The following TANC2 variants were observed in gnomAD, a reference collection of about 807,000 sequenced individuals.
TANC2 encodes protein TANC2.
A neutral mutation model predicts 210.5 loss-of-function variants in TANC2; 26 were observed. The ratio of observed to expected loss-of-function variants is 0.12; its 90% CI spans 0.09 to 0.17. The LOEUF (loss-of-function observed/expected upper bound fraction) is 0.17. Among genes scored for constraint, TANC2 ranks in the 10% least tolerant of loss-of-function variants. The pLI is 1.00. For synonymous variants in TANC2, 931 were observed against 967.1 expected (o/e 0.96, Z 0.69); for missense variants, 2,129 against 2,608.9 (o/e 0.82, Z 4.01).
At chr17:63,119,898 T>A (rs1266836515) in intron 4 of TANC2, among the ~76,000 whole-genome samples, 1 of 152,026 alleles carries the variant, frequency 6.6e-6, no homozygotes, top group Non-Finnish European at 1.5e-5. Context: ...CACATGCCTC[T>A]GGTCCCAGCT....
Position 63,186,792 on chromosome 17 carries a change from A to C in TANC2, c.434-7199A>C, listed in dbSNP as rs922970685. Among the ~76,000 whole-genome samples the C allele has an allele frequency of 1.8e-4, 27 of 152,242 alleles. 1 individual carries two copies. The highest frequency in any genetic ancestry group is 1.5e-5 in the Non-Finnish European group (1 of 68,042). On this transcript the variant is annotated intron_variant, in intron 5 of 27. Transcript: ENST00000689528. ...CTAATGCGTAAACACACTGCTTACA[A>C]AGAGCCAAAATAAAACCAAGAACTA... is the stretch of plus-strand genomic sequence containing the variant.
chr17:63,389,248 A>G, intron 16 of TANC2, 60 bp from the exon 17 acceptor site: 4 of 1,305,770 alleles, frequency 3.1e-6, no homozygotes, highest in Non-Finnish European at 4.3e-6. Context: ...TTAATAAAAG[A>G]TGACTAAAAG....
chr17:63,318,731 T>C (rs2045395050), intron 10 of TANC2, among the ~76,000 whole-genome samples: 1 of 152,230 alleles, frequency 6.6e-6, no homozygotes, highest in South Asian at 2.1e-4. Context: ...GTATTTCATC[T>C]ATTCATCAGT....
intron 9 of TANC2, among the ~76,000 whole-genome samples, chr17:63,271,291 TAA>T (rs1344365183): frequency 6.6e-6 from 1 of 151,842 alleles, no homozygotes; most frequent in African/African-American, 2.4e-5. Flanking sequence ...CAACTGTGTA[TAA>T]GTGTTCCTTT....
intron 9 of TANC2, among the ~76,000 whole-genome samples, chr17:63,310,154 A>G (rs2045070892): frequency 6.6e-6 from 1 of 152,218 alleles, no homozygotes; most frequent in African/African-American, 2.4e-5. Flanking sequence ...ACAAATTAAA[A>G]TAGAAGGAAG....
chr17:63,242,616 A>G (rs1049124041), intron 8 of TANC2, among the ~76,000 whole-genome samples: 1 of 152,142 alleles, frequency 6.6e-6, no homozygotes, highest in African/African-American at 2.4e-5. Flanking sequence ...TATATGTAAG[A>G]GAGATATGAG....
At chr17:63,174,677 T>TA (rs148573707) in intron 5 of TANC2, among the ~76,000 whole-genome samples, 4,259 of 152,316 alleles carry the variant, frequency 0.028, 89 homozygotes, top group Non-Finnish European at 0.046. Flanking sequence ...ATTACATAAA[T>TA]ATGTTTGTAT....
chr17:63,084,257 A>ATT (rs2036879163), intron 3 of TANC2, among the ~76,000 whole-genome samples: 1 of 152,112 alleles, frequency 6.6e-6, no homozygotes. Flanking sequence ...AGGTCATCAA[A>ATT]TTGTGGGTGT....
chr17:63,226,335 C>T (rs538236100), intron 7 of TANC2, among the ~76,000 whole-genome samples: 5 of 152,274 alleles, frequency 3.3e-5, no homozygotes, highest in East Asian at 1.9e-4. Context: ...TCATGTGCCT[C>T]GGTTGCCCTT....
At chr17:63,390,966 C>T (rs1319168473) in intron 17 of TANC2, 5 of 152,154 alleles carry the variant, frequency 3.3e-5, no homozygotes, top group Non-Finnish European at 1.5e-5. Flanking sequence ...CTCAAGGTGC[C>T]TGTATCTCAA....
At chr17:63,245,668 C>T (rs886995333) in intron 8 of TANC2, among the ~76,000 whole-genome samples, 13 of 151,980 alleles carry the variant, frequency 8.6e-5, no homozygotes, top group African/African-American at 3.1e-4. Context: ...TGGTGAAACT[C>T]CGTCTCTACT....
At chr17:63,051,934 A>G (rs143010846) in intron 2 of TANC2, among the ~76,000 whole-genome samples, 34 of 152,272 alleles carry the variant, frequency 2.2e-4, no homozygotes, top group African/African-American at 7.5e-4. Context: ...GATATCTTCT[A>G]CTTACAATGG....
intron 8 of TANC2, among the ~76,000 whole-genome samples, chr17:63,264,441 C>T (rs376667562): frequency 1.3e-5 from 2 of 152,132 alleles, no homozygotes; most frequent in Admixed American, 6.6e-5. Flanking sequence ...TAGCTCCCTT[C>T]CACTGCCTTT....
chr17:63,046,222 C>T (rs1465622403), intron 2 of TANC2, among the ~76,000 whole-genome samples: 3 of 149,904 alleles, frequency 2.0e-5, no homozygotes, highest in Admixed American at 6.6e-5. Flanking sequence ...TGCAGTGGTG[C>T]GATCTCGGCT....
intron 4 of TANC2, 112 bp downstream of exon 4, chr17:63,099,469 C>A: frequency 1.5e-6 from 1 of 678,198 alleles, no homozygotes; most frequent in Non-Finnish European, 2.2e-6. Flanking sequence ...CTCTGGCCTT[C>A]CTAATGTCAC....
chr17:63,321,690 T>C (rs766118423), intron 11 of TANC2, among the ~76,000 whole-genome samples: 4 of 152,210 alleles, frequency 2.6e-5, no homozygotes, highest in Non-Finnish European at 4.4e-5. Flanking sequence ...CACTGTTCAC[T>C]ATCAGACATT....
rs192540281 is a variant in TANC2, at chr17:63,065,818, G to A, written c.68-8125G>A. Among the ~76,000 whole-genome samples the A allele has an allele frequency of 1.8e-3, 267 of 152,240 alleles. 1 individual carries two copies. The highest frequency in any genetic ancestry group is 2.5e-3 in the Non-Finnish European group (168 of 68,006). On this transcript the variant is annotated intron_variant, in intron 2 of 27. Coordinates refer to ENST00000689528, the Ensembl canonical transcript of TANC2. ...TAGCTTCTTATCAGATGTATGGTTT[G>A]CAAATATTTTTTCCATTTTGTAGGT...
intron 7 of TANC2, among the ~76,000 whole-genome samples, chr17:63,203,611 C>T (rs781352186): frequency 7.9e-5 from 12 of 152,102 alleles, no homozygotes; most frequent in Non-Finnish European, 1.6e-4. Context: ...TTCATATGCT[C>T]ACTGCCTATT....
intron 3 of TANC2, among the ~76,000 whole-genome samples, chr17:63,087,565 A>T (rs2144772235): frequency 6.6e-6 from 1 of 152,290 alleles, no homozygotes; most frequent in African/African-American, 2.4e-5. Context: ...GGTTAAGAAG[A>T]ATACCATTCT....
Sources: gnomAD v4.1 joint callset for allele counts (sites outside exome capture counted in the v4.1 genomes callset) on GRCh38, gnomAD v4.1.1 for gene constraint, MANE v1.5 for transcripts, NCBI Gene and HGNC (gene_info 2026-07-23, HGNC 2026-07-21) for gene names.